SDR16C5: variants seen among roughly 807,000 people sequenced by gnomAD.
The protein encoded by SDR16C5 is short chain dehydrogenase/reductase family 16C member 5, also known as epidermal retinol dehydrogenase 2.
Under a neutral mutation model 27.7 loss-of-function variants are expected in SDR16C5, and 20 were observed. The ratio of observed to expected loss-of-function variants is 0.72; its 90% confidence interval spans 0.51 to 1.05. The LOEUF is 1.05. Ranked by LOEUF, SDR16C5 falls within the 50% of genes least tolerant of loss-of-function variation. The pLI, the probability that SDR16C5 is intolerant of heterozygous loss-of-function variation, is 0.00. For synonymous variants in SDR16C5, 139 were observed against 132.3 expected, an observed-to-expected ratio of 1.05 and a Z score of -0.35; for missense variants, 374 against 366.3, an observed-to-expected ratio of 1.02 and a Z score of -0.17.
At chr8:56,307,990 T>C (rs559661875) in intron 4 of SDR16C5, among the ~76,000 whole-genome samples, 1 of 152,112 alleles carries the variant, frequency 6.6e-6, no homozygotes, top group Non-Finnish European at 1.5e-5. Flanking sequence ...ACAACAGATA[T>C]ATAAGAGGGA....
intron 3 of SDR16C5, 21 bp from the exon 4 acceptor site, chr8:56,309,048 T>C: frequency 6.6e-7 from 1 of 1,522,564 alleles, no homozygotes; most frequent in Non-Finnish European, 9.0e-7. Flanking sequence ...AAAGGAAAAC[T>C]TTTAATGTTT....
chr8:56,302,602 G>C (rs1814785284), intron 6 of SDR16C5, among the ~76,000 whole-genome samples: 1 of 151,764 alleles, frequency 6.6e-6, no homozygotes, highest in African/African-American at 2.4e-5. Context: ...GAACCCGGGA[G>C]GTGGGGGTTG....
chr8:56,310,515 G>A (rs1815019634), intron 3 of SDR16C5, among the ~76,000 whole-genome samples: 1 of 151,594 alleles, frequency 6.6e-6, no homozygotes, highest in Non-Finnish European at 1.5e-5. Context: ...GTCAAGAGAT[G>A]GAGACCAGCC....
intron 5 of SDR16C5, 44 bp downstream of exon 5, chr8:56,306,632 A>G (rs368637996): frequency 1.0e-4 from 157 of 1,499,872 alleles, no homozygotes; most frequent in Admixed American, 3.6e-4. Context: ...ATAGCAAAAC[A>G]TTTTTAAGAG....
chr8:56,314,205 C>CAA (rs34303036), intron 2 of SDR16C5, among the ~76,000 whole-genome samples: 3,474 of 150,360 alleles, frequency 0.023, 71 homozygotes, highest in Non-Finnish European at 0.035. Context: ...GACTCTGTCT[C>CAA]AAAAAAAAAA....
At chr8:56,301,699 G>T (rs1814759365) in intron 6 of SDR16C5, 126 bp from the exon 7 acceptor site, 2 of 673,756 alleles carry the variant, frequency 3.0e-6, no homozygotes, top group Non-Finnish European at 2.6e-6. Flanking sequence ...ACACTATGCA[G>T]CCTGAGTGCT....
chr8:56,303,335 A>T (rs1330718783), intron 6 of SDR16C5, among the ~76,000 whole-genome samples: 1 of 151,888 alleles, frequency 6.6e-6, no homozygotes, highest in Non-Finnish European at 1.5e-5. Context: ...AAAAAGAAAA[A>T]AAAAAGTAAA....
chr8:56,316,606 A>G (rs1415423336), intron 1 of SDR16C5, among the ~76,000 whole-genome samples: 1 of 152,186 alleles, frequency 6.6e-6, no homozygotes, highest in Admixed American at 6.5e-5. Flanking sequence ...TGTGCAGTAC[A>G]CAACAGAAAT....
rs1563442356 is a variant in SDR16C5, at chr8:56,312,164, T to C, written c.458A>G (p.His153Arg). 1 of 1,612,060 alleles carries C rather than the reference T, an allele frequency of 6.2e-7. No individual in the cohort carries two copies. Among genetic ancestry groups the C allele is most frequent in the South Asian group, 1.1e-5 (1 of 90,952 alleles). The change falls in exon 3 of 7, where the codon CAT (histidine) becomes CGT (arginine). Residue 153 changes from histidine (H) to arginine (R), a missense_variant. Physicochemically the swap from His to Arg is conservative, Grantham distance 29. Coordinates refer to ENST00000303749, the MANE Select transcript of SDR16C5 (RefSeq NM_138969.4). ...AGAAGAAACAATTATTACCCATAAA[T>C]GTGCTTTGAAATTCACATCAAATGA... ...EKSFDVNFKA[H>R]LWTYKAFLPA...
intron 6 of SDR16C5, among the ~76,000 whole-genome samples, chr8:56,304,473 G>A (rs1208636532): frequency 6.6e-6 from 1 of 151,998 alleles, no homozygotes; most frequent in Non-Finnish European, 1.5e-5. Flanking sequence ...TGTTCATTCA[G>A]TGCCTATGAA....
In SDR16C5 at chr8:56,316,257, G is replaced by A. The variant is rs917115540; in HGVS notation, c.91C>T (p.Leu31Phe). ...SLLEAMIFAL[L>F]PKPRKNVAGE... ...GCAACGTTCTTCCGTGGCTTTGGGA[G>A]TAAGGCAAAAATCATAGCCTCCAGA... Residue 31 changes from leucine to phenylalanine, a missense_variant, in exon 2 of 7, where the codon CTC becomes TTC. Transcript: ENST00000303749. The A allele has an allele frequency of 3.1e-6, 5 of 1,613,740 alleles. No homozygotes were observed. Among genetic ancestry groups the A allele is most frequent in the Admixed American group, 1.7e-5 (1 of 60,008 alleles).
At chr8:56,319,124 G>GA (rs11372550) in intron 1 of SDR16C5, among the ~76,000 whole-genome samples, 98,327 of 134,756 alleles carry the variant, frequency 0.73, 35,907 homozygotes, top group East Asian at 0.82. Flanking sequence ...GAACAAATTA[G>GA]AAAAAAAAAA....
At position 56,300,912 on chromosome 8, in the gene SDR16C5, T is replaced by C. The variant is rs974561125; in HGVS notation, c.*568A>G. 1.3e-5 allele frequency: 2 copies of C among 152,682 alleles called. No homozygotes were observed. Among genetic ancestry groups the C allele is most frequent in the African/African-American group, 4.8e-5 (2 of 41,446 alleles). The allele number at this position is 152,682 out of a possible 1,614,324, so 9.5% of individuals were successfully genotyped here. A position where few individuals can be genotyped will look rare whatever the true frequency, so the allele number is the denominator to read the frequency against. On this transcript the variant is annotated 3_prime_UTR_variant, in exon 7 of 7. Transcript: ENST00000303749. ...CCTTTAGCCAGACTGCCACTCGGTCTGCGTATCCAGGGCATTCAGAAGCAT... is the reference window on the plus strand; with the variant it reads ...CCTTTAGCCAGACTGCCACTCGGTCCGCGTATCCAGGGCATTCAGAAGCAT...
At chr8:56,309,068 T>C (rs1814959078) in intron 3 of SDR16C5, 41 bp from the exon 4 acceptor site, 3 of 1,412,516 alleles carry the variant, frequency 2.1e-6, no homozygotes, top group South Asian at 2.6e-5. Context: ...TAATGCCACA[T>C]TGTATAATTT....
At chr8:56,309,564 C>T in intron 3 of SDR16C5, 2 of 985,148 alleles carry the variant, frequency 2.0e-6, no homozygotes, top group Non-Finnish European at 2.4e-6. Context: ...CTGTCCAACA[C>T]CTTCACCCTT....
chr8:56,301,431 G>T lies in SDR16C5; in HGVS notation c.*49C>A. The T allele has an allele frequency of 8.0e-7, 1 of 1,248,946 alleles. No homozygotes were observed. The highest frequency in any genetic ancestry group is 1.2e-6 in the Non-Finnish European group (1 of 848,662). The allele number at this position is 1,248,946 out of a possible 1,614,324, so 77.4% of individuals were successfully genotyped here. Reference sequence around the variant, plus strand: ...AAAATACTTTTCTTCATTGAAGTACGCATTATGTAACACTGTGTATCAGAT... The same window carrying T: ...AAAATACTTTTCTTCATTGAAGTACTCATTATGTAACACTGTGTATCAGAT... On this transcript the variant is annotated 3_prime_UTR_variant, in exon 7 of 7. Coordinates refer to ENST00000303749, the MANE Select transcript of SDR16C5 (RefSeq NM_138969.4).
intron 1 of SDR16C5, among the ~76,000 whole-genome samples, chr8:56,318,684 C>T (rs889266605): frequency 2.0e-5 from 3 of 152,180 alleles, no homozygotes; most frequent in Admixed American, 2.0e-4. Flanking sequence ...GTGACATGAA[C>T]GCTCTTAATG....
chr8:56,308,139 A>G (rs1014044706), intron 4 of SDR16C5, among the ~76,000 whole-genome samples: 2 of 152,150 alleles, frequency 1.3e-5, no homozygotes, highest in African/African-American at 4.8e-5. Flanking sequence ...CTGAGCTAAG[A>G]CTGGTTTTGT....
At chr8:56,305,505 A>G in intron 6 of SDR16C5, 92 bp downstream of exon 6, 2 of 1,093,800 alleles carry the variant, frequency 1.8e-6, no homozygotes, top group East Asian at 2.7e-5. Flanking sequence ...ATTTTAATTT[A>G]TCAGGTATTT....
Sources: gnomAD v4.1 joint callset for allele counts (sites outside exome capture counted in the v4.1 genomes callset) on GRCh38, gnomAD v4.1.1 for gene constraint, MANE v1.5 for transcripts, NCBI Gene and HGNC (gene_info 2026-07-23, HGNC 2026-07-21) for gene names.